Variants in MEMO1 observed in about 807,000 individuals in gnomAD.
MEMO1 encodes the protein mediator of cell motility 1, also known as protein MEMO1.
MEMO1 carries 6 observed loss-of-function variants against 45.2 expected under a neutral mutation model. The observed-to-expected ratio is 0.13, with a 90% CI of 0.07 to 0.26. MEMO1 has a LOEUF of 0.26. Ranked by LOEUF, MEMO1 falls within the 10% of genes least tolerant of loss-of-function variation. The pLI is 1.00. For missense variants in MEMO1, 184 were observed against 370.5 expected, an observed-to-expected ratio of 0.50 and a Z score of 4.13; for synonymous variants, 78 against 124.3, an observed-to-expected ratio of 0.63 and a Z score of 2.48.
chr2:31,940,351 A>G (rs75683915), intron 3 of MEMO1, among the ~76,000 whole-genome samples: 1 of 152,112 alleles, frequency 6.6e-6, no homozygotes, highest in Non-Finnish European at 1.5e-5. Context: ...CTAAATCTCC[A>G]TTTGGATATC....
At chr2:31,986,497 A>G (rs1444753665) in intron 2 of MEMO1, among the ~76,000 whole-genome samples, 1 of 152,058 alleles carries the variant, frequency 6.6e-6, no homozygotes, top group Non-Finnish European at 1.5e-5. Flanking sequence ...TAATAATATA[A>G]CTGTTACCTT....
At chr2:31,964,357 A>G (rs994745540) in intron 2 of MEMO1, among the ~76,000 whole-genome samples, 1 of 152,146 alleles carries the variant, frequency 6.6e-6, no homozygotes, top group African/African-American at 2.4e-5. Flanking sequence ...ATTAAAATGT[A>G]TGGGGTCTTA....
intron 2 of MEMO1, among the ~76,000 whole-genome samples, chr2:31,957,678 G>T (rs1667557314): frequency 6.6e-6 from 1 of 152,166 alleles, no homozygotes; most frequent in African/African-American, 2.4e-5. Context: ...GAACAGTCAA[G>T]ACATGAAACA....
At chr2:31,883,283 TA>T in intron 8 of MEMO1, 102 bp downstream of exon 8, 1 of 826,714 alleles carries the variant, frequency 1.2e-6, no homozygotes, top group Non-Finnish European at 1.9e-6. Flanking sequence ...CATTTAAAGA[TA>T]GGGAAAAAAT....
At chr2:31,991,928 A>G (rs1672000327) in intron 2 of MEMO1, among the ~76,000 whole-genome samples, 1 of 152,242 alleles carries the variant, frequency 6.6e-6, no homozygotes, top group South Asian at 2.1e-4. Context: ...AGGTAAAATC[A>G]GCAGTTATTT....
intron 8 of MEMO1, among the ~76,000 whole-genome samples, chr2:31,871,549 C>T (rs1673747485): frequency 6.6e-6 from 1 of 151,078 alleles, no homozygotes. Context: ...TAGACATATA[C>T]ATGTGCAATC....
chr2:31,987,869 G>A (rs1480238602), intron 2 of MEMO1, among the ~76,000 whole-genome samples: 2 of 152,044 alleles, frequency 1.3e-5, no homozygotes, highest in Non-Finnish European at 2.9e-5. Flanking sequence ...AATTCAGTAG[G>A]TTTCCAATCA....
intron 2 of MEMO1, among the ~76,000 whole-genome samples, chr2:31,989,223 T>C (rs1374087787): frequency 2.1e-5 from 3 of 146,176 alleles, no homozygotes; most frequent in Non-Finnish European, 3.0e-5. Context: ...AGCAAAACTC[T>C]GTCTCAAAAA....
In MEMO1 at chr2:31,890,994, T is replaced by C. The variant is rs1361037936; in HGVS notation, c.580+998A>G. On this transcript the variant is annotated intron_variant, in intron 7 of 9. Transcript: ENST00000404530. ...TGAGATCTCAACTTTGAAAAGGCCA[T>C]TCAGAGATAGAAGCAAGAGAAGACA... is the stretch of plus-strand genomic sequence containing the variant. Among the ~76,000 whole-genome samples the C allele has an allele frequency of 2.0e-5, 3 of 152,244 alleles. No homozygotes were observed. In the East Asian group the frequency reaches 5.8e-4, roughly 29 times the overall value.
intron 8 of MEMO1, among the ~76,000 whole-genome samples, chr2:31,878,001 T>C (rs980140364): frequency 6.6e-6 from 1 of 152,144 alleles, no homozygotes; most frequent in Non-Finnish European, 1.5e-5. Context: ...TTGACAGAAA[T>C]GTAATTAAGT....
chr2:31,948,630 G>A (rs895269142), intron 2 of MEMO1, among the ~76,000 whole-genome samples: 1 of 152,176 alleles, frequency 6.6e-6, no homozygotes, highest in Admixed American at 6.5e-5. Context: ...AGGGCACAGT[G>A]GCTCACACTT....
chr2:31,876,390 T>C (rs1276833972), intron 8 of MEMO1, among the ~76,000 whole-genome samples: 2 of 152,188 alleles, frequency 1.3e-5, no homozygotes, highest in African/African-American at 4.8e-5. Context: ...CCTCCAATCA[T>C]TTACCATCAT....
intron 2 of MEMO1, among the ~76,000 whole-genome samples, chr2:31,956,834 A>G (rs1169445029): frequency 6.6e-6 from 1 of 152,164 alleles, no homozygotes; most frequent in East Asian, 1.9e-4. Flanking sequence ...TATGTAGAAT[A>G]TCTCTGGAGG....
At chr2:31,898,792 G>A (rs768896588) in intron 6 of MEMO1, among the ~76,000 whole-genome samples, 3 of 152,156 alleles carry the variant, frequency 2.0e-5, no homozygotes, top group Admixed American at 6.5e-5. Flanking sequence ...TCACTGATCT[G>A]TCTAATATTG....
chr2:31,925,294 G>C (rs1352114564), intron 4 of MEMO1, among the ~76,000 whole-genome samples: 1 of 151,824 alleles, frequency 6.6e-6, no homozygotes, highest in East Asian at 1.9e-4. Flanking sequence ...GGCTAACATG[G>C]TGAAACCCCA....
chr2:31,960,138 A>G (rs952337867), intron 2 of MEMO1, among the ~76,000 whole-genome samples: 14 of 152,032 alleles, frequency 9.2e-5, no homozygotes, highest in African/African-American at 3.1e-4. Context: ...CAGAAGTTGC[A>G]GTGAGTCGAT....
intron 2 of MEMO1, among the ~76,000 whole-genome samples, chr2:31,982,677 G>A (rs150381990): frequency 1.3e-5 from 2 of 150,898 alleles, no homozygotes; most frequent in African/African-American, 4.9e-5. Flanking sequence ...ATTAGAAATT[G>A]TAACGCTAAA....
chr2:31,895,524 T>G (rs964509096), intron 6 of MEMO1, among the ~76,000 whole-genome samples: 5 of 152,114 alleles, frequency 3.3e-5, no homozygotes, highest in African/African-American at 1.2e-4. Flanking sequence ...AAGAGCAGAT[T>G]TGATATTATA....
chr2:31,938,577 G>T (rs1301970684), intron 3 of MEMO1, among the ~76,000 whole-genome samples: 1 of 151,916 alleles, frequency 6.6e-6, no homozygotes, highest in African/African-American at 2.4e-5. Context: ...GAACCCGGCA[G>T]GTGGAGCTTG....
Sources: allele counts gnomAD v4.1 joint callset (sites outside exome capture counted in the v4.1 genomes callset), GRCh38; gene constraint gnomAD v4.1.1; transcripts MANE v1.5; gene names NCBI Gene and HGNC (gene_info 2026-07-23, HGNC 2026-07-21).